Variants in UHRF2 observed in about 807,000 individuals in gnomAD.
The protein encoded by UHRF2 is E3 ubiquitin-protein ligase UHRF2.
In UHRF2, 23 loss-of-function variants were observed where a neutral mutation model predicts 96.8. The ratio of observed to expected loss-of-function variants is 0.24; its 90% CI spans 0.17 to 0.34. The LOEUF (loss-of-function observed/expected upper bound fraction) is 0.34, where lower values mean the gene tolerates loss of function less well. UHRF2 is among the 10% of genes least tolerant of loss of function. The pLI, the probability that UHRF2 is intolerant of heterozygous loss-of-function variation, is 1.00. For synonymous variants in UHRF2, 385 were observed against 332.6 expected, an observed-to-expected ratio of 1.16 and a Z score of -1.72; for missense variants, 685 against 981.5, an observed-to-expected ratio of 0.70 and a Z score of 4.04.
chr9:6,463,044 G>C (rs185465898), intron 4 of UHRF2, among the ~76,000 whole-genome samples: 1,628 of 152,290 alleles, frequency 0.011, 20 homozygotes, highest in Non-Finnish European at 0.018. Context: ...CACTTTGGGA[G>C]GCCAGGGTGG....
At chr9:6,430,673 A>G (rs1820515676) in intron 2 of UHRF2, among the ~76,000 whole-genome samples, 1 of 152,116 alleles carries the variant, frequency 6.6e-6, no homozygotes. Context: ...GTACCAAACA[A>G]CTAGAGGCCA....
intron 3 of UHRF2, among the ~76,000 whole-genome samples, chr9:6,440,640 G>A (rs1436627200): frequency 6.6e-6 from 1 of 152,188 alleles, no homozygotes; most frequent in Non-Finnish European, 1.5e-5. Context: ...CCGTAGGTAT[G>A]TCAACAACTT....
At chr9:6,455,935 A>T (rs1388414853) in intron 3 of UHRF2, among the ~76,000 whole-genome samples, 1 of 152,198 alleles carries the variant, frequency 6.6e-6, no homozygotes, top group Non-Finnish European at 1.5e-5. Flanking sequence ...AGCGGGCATG[A>T]TCACACCACT....
chr9:6,453,066 T>A (rs1158430993), intron 3 of UHRF2, among the ~76,000 whole-genome samples: 1 of 152,220 alleles, frequency 6.6e-6, no homozygotes, highest in Non-Finnish European at 1.5e-5. Flanking sequence ...TTTCATGACT[T>A]ACCTTTTACA....
intron 9 of UHRF2, among the ~76,000 whole-genome samples, chr9:6,489,874 C>T (rs1824555555): frequency 6.6e-6 from 1 of 151,802 alleles, no homozygotes; most frequent in Non-Finnish European, 1.5e-5. Flanking sequence ...AATAGAAAAG[C>T]GTGCTGGCTT....
intron 12 of UHRF2, chr9:6,499,246 C>T (rs1230890505): frequency 7.3e-6 from 1 of 137,254 alleles, no homozygotes; most frequent in South Asian, 2.8e-4. Context: ...GCTTCTCCCA[C>T]CCCACCCACC....
rs1296142541 is a variant in UHRF2, at chr9:6,482,048, T to C, written c.1341T>C (p.Tyr447=). The change falls in exon 8 of 16, where the codon TAT becomes TAC. Residue 447 remains tyrosine (Y), a synonymous_variant. Coordinates refer to ENST00000276893, the MANE Select transcript of UHRF2 (RefSeq NM_152896.3). ...RECTIVPSNH[Y]GPIPGIPVGS... is the part of the protein sequence containing the mutation. ...GTACTATTGTCCCTTCTAATCATTA[T>C]GGACCCATTCCTGGTATTCCTGTTG... The C allele has an allele frequency of 6.2e-7, 1 of 1,614,040 alleles. No individual in the cohort carries two copies. The highest frequency in any genetic ancestry group is 1.3e-5 in the African/African-American group (1 of 74,942).
At chr9:6,496,336 C>T (rs1458199557) in intron 10 of UHRF2, 1 of 152,140 alleles carries the variant, frequency 6.6e-6, no homozygotes, top group Non-Finnish European at 1.5e-5. Flanking sequence ...TAATTTTAAA[C>T]TGATTCTAAA....
At chr9:6,493,129 C>G (rs1166209176) in intron 9 of UHRF2, among the ~76,000 whole-genome samples, 8 of 152,056 alleles carry the variant, frequency 5.3e-5, no homozygotes, top group African/African-American at 1.9e-4. Flanking sequence ...AAAACCCCAT[C>G]TCTACTAAAA....
chr9:6,413,442 C>G lies in UHRF2; in HGVS notation c.-49C>G. ...CGCGGGCCGGGCGGGGCGCGGCGCC[C>G]AGAGCTCAGGGGGAGACAAAGGGGA... On this transcript the variant is annotated 5_prime_UTR_variant, in exon 1 of 16. Coordinates refer to ENST00000276893, the MANE Select transcript of UHRF2 (RefSeq NM_152896.3). The G allele has an allele frequency of 7.3e-7, 1 of 1,366,598 alleles. No homozygotes were observed. The highest frequency in any genetic ancestry group is 9.6e-7 in the Non-Finnish European group (1 of 1,045,276). The allele number at this position is 1,366,598 out of a possible 1,614,324, so 84.7% of individuals were successfully genotyped here.
intron 2 of UHRF2, chr9:6,423,091 T>G (rs976476951): frequency 6.4e-6 from 1 of 155,086 alleles, no homozygotes; most frequent in Non-Finnish European, 1.4e-5. Flanking sequence ...ACCAAAAAAT[T>G]GGTAGATGAA....
intron 14 of UHRF2, 100 bp downstream of exon 14, chr9:6,500,809 C>G: frequency 8.6e-7 from 1 of 1,158,126 alleles, no homozygotes; most frequent in Non-Finnish European, 1.2e-6. Context: ...AAAACTTCAT[C>G]CTTCTACCCG....
At chr9:6,492,324 A>G (rs1824712257) in intron 9 of UHRF2, 5 of 1,251,688 alleles carry the variant, frequency 4.0e-6, no homozygotes, top group Non-Finnish European at 5.2e-6. Flanking sequence ...ATGAATATGA[A>G]TATTGTGGAG....
At chr9:6,463,778 A>T (rs187013004) in intron 4 of UHRF2, among the ~76,000 whole-genome samples, 2,693 of 148,970 alleles carry the variant, frequency 0.018, 80 homozygotes, top group African/African-American at 0.059. Flanking sequence ...GAGAAAAAAA[A>T]TTTTTTTTTT....
At chr9:6,489,802 A>G (rs555528928) in intron 9 of UHRF2, among the ~76,000 whole-genome samples, 1 of 151,834 alleles carries the variant, frequency 6.6e-6, no homozygotes, top group Non-Finnish European at 1.5e-5. Flanking sequence ...GGATTGTTAC[A>G]AAGATGAATC....
In UHRF2 at chr9:6,471,096, A is replaced by G. The variant is rs538555844; in HGVS notation, c.864-4295A>G. Among the ~76,000 whole-genome samples, 5 of 152,344 alleles carry G rather than the reference A, an allele frequency of 3.3e-5. No individual in the cohort carries two copies. In the East Asian group the frequency reaches 9.6e-4, roughly 29 times the overall value. On this transcript the variant is annotated intron_variant, in intron 4 of 15. Coordinates refer to ENST00000276893, the MANE Select transcript of UHRF2 (RefSeq NM_152896.3). Reference sequence around the variant, plus strand: ...TTGTAAGAAGATGACAACAGCAAAGACTTTTCAAATCCCCTTAAATGTCCT... The same window carrying G: ...TTGTAAGAAGATGACAACAGCAAAGGCTTTTCAAATCCCCTTAAATGTCCT...
chr9:6,479,124 C>T (rs986421555), intron 6 of UHRF2, among the ~76,000 whole-genome samples: 5 of 152,102 alleles, frequency 3.3e-5, no homozygotes, highest in African/African-American at 1.2e-4. Context: ...TCCTTGATCC[C>T]ATTTCTCCCA....
At chr9:6,505,497 A>G (rs779710530) in intron 15 of UHRF2, among the ~76,000 whole-genome samples, 3 of 152,090 alleles carry the variant, frequency 2.0e-5, no homozygotes, top group Non-Finnish European at 2.9e-5. Context: ...GGGTTTCACC[A>G]TGTTGGCCAG....
intron 2 of UHRF2, among the ~76,000 whole-genome samples, chr9:6,427,661 G>T (rs1349800672): frequency 2.6e-5 from 4 of 152,066 alleles, no homozygotes; most frequent in African/African-American, 9.7e-5. Context: ...CTCCTGCCTG[G>T]GTGACAGAGC....
Sources: allele counts gnomAD v4.1 joint callset (sites outside exome capture counted in the v4.1 genomes callset), GRCh38; gene constraint gnomAD v4.1.1; transcripts MANE v1.5; gene names NCBI Gene and HGNC (gene_info 2026-07-23, HGNC 2026-07-21).